The following ZNF471 variants were observed in gnomAD, a reference collection of about 807,000 sequenced individuals.
ZNF471 encodes the protein zinc finger protein 471.
In ZNF471, 7 loss-of-function variants were observed where a neutral mutation model predicts 13.7. The observed-to-expected ratio is 0.51, with a 90% confidence interval of 0.29 to 0.96. ZNF471 has a LOEUF of 0.96. Ranked by LOEUF, ZNF471 falls within the 40% of genes least tolerant of loss-of-function variation. The probability of loss-of-function intolerance (pLI) is 0.08; values close to 1 mark genes in which losing one functional copy is unlikely to be tolerated. For synonymous variants in ZNF471, 218 were observed against 235.6 expected (o/e 0.93, Z 0.68); for missense variants, 663 against 743.3 (o/e 0.89, Z 1.26).
Position 56,525,008 on chromosome 19 carries a change from G to C in ZNF471, c.941G>C (p.Gly314Ala). ...GCTCAGCATCAGAGAATTCATACTGGAGAGAAACCCTATGAATGTAAAGAA... is the reference window on the plus strand; with the variant it reads ...GCTCAGCATCAGAGAATTCATACTGCAGAGAAACCCTATGAATGTAAAGAA... ...HLAQHQRIHT[G>A]EKPYECKECG... Residue 314 changes from glycine (G) to alanine (A), a missense_variant, in exon 5 of 5, where the codon GGA (glycine) becomes GCA (alanine). Gly to Ala is a moderately conservative substitution (Grantham distance 60, BLOSUM62 0). Transcript: ENST00000308031. The C allele has an allele frequency of 6.2e-7, 1 of 1,614,062 alleles. No homozygotes were observed. The highest frequency in any genetic ancestry group is 8.5e-7 in the Non-Finnish European group (1 of 1,179,980).
intron 4 of ZNF471, among the ~76,000 whole-genome samples, chr19:56,519,735 G>T (rs2043943204): frequency 6.6e-6 from 1 of 152,146 alleles, no homozygotes; most frequent in African/African-American, 2.4e-5. Flanking sequence ...TCAAGGTTTT[G>T]CCTTCTGCAG....
intron 2 of ZNF471, among the ~76,000 whole-genome samples, chr19:56,515,545 C>T (rs2043873243): frequency 6.6e-6 from 1 of 152,102 alleles, no homozygotes; most frequent in South Asian, 2.1e-4. Context: ...AGACATGATA[C>T]AGAGATTACT....
At chr19:56,513,864 T>G (rs2043842130) in intron 2 of ZNF471, among the ~76,000 whole-genome samples, 1 of 151,980 alleles carries the variant, frequency 6.6e-6, no homozygotes, top group Non-Finnish European at 1.5e-5. Context: ...AAATTTTATT[T>G]TTTAGAATAG....
At chr19:56,515,237 A>G (rs2043866334) in intron 2 of ZNF471, among the ~76,000 whole-genome samples, 2 of 152,180 alleles carry the variant, frequency 1.3e-5, no homozygotes. Context: ...TCTGTCCTTA[A>G]TAGTCAGCAA....
Position 56,525,185 on chromosome 19 carries a change from A to C in ZNF471, c.1118A>C (p.Lys373Thr), listed in dbSNP as rs748875143. 22 of 1,614,084 alleles carry C rather than the reference A, an allele frequency of 1.4e-5. No individual in the cohort carries two copies. In the South Asian group the frequency reaches 2.3e-4, roughly 17 times the overall value. The change falls in exon 5 of 5, where the codon AAG (lysine) becomes ACG (threonine). Residue 373 changes from lysine (K) to threonine (T), a missense_variant. Physicochemically the swap from Lys to Thr is moderately conservative, Grantham distance 78. Transcript: ENST00000308031. ...TGGAGGAGTTATCATACTGGAGAGA[A>C]GCCTTTTAATTGCATTGATTGTGGG... Reference protein sequence around the residue: ...RHWRSYHTGEKPFNCIDCGKA... With the variant: ...RHWRSYHTGETPFNCIDCGKA...
intron 3 of ZNF471, among the ~76,000 whole-genome samples, chr19:56,517,736 C>T (rs1272379405): frequency 5.3e-5 from 8 of 152,320 alleles, no homozygotes; most frequent in Non-Finnish European, 1.0e-4. Context: ...CCACTGTGCC[C>T]AGCTCAGATT....
Position 56,508,266 on chromosome 19 carries a change from TCCA to T in ZNF471, c.-56+347_-56+349del. The T allele has an allele frequency of 1.9e-4, 147 of 791,760 alleles. No homozygotes were observed. Among genetic ancestry groups the T allele is most frequent in the Non-Finnish European group, 2.0e-4 (129 of 654,572 alleles). 49.0% of individuals were successfully genotyped at this position (791,760 alleles called of 1,614,324 possible). A position where few individuals can be genotyped will look rare whatever the true frequency, so the allele number is the denominator to read the frequency against. ...GTGTGTGTGTGTGACAGACCGAGAGTCCAGTGTGAGACCAGGGTATGTTCGTGT... is the reference window on the plus strand; with the variant it reads ...GTGTGTGTGTGTGACAGACCGAGAGTGTGTGAGACCAGGGTATGTTCGTGT... On this transcript the variant is annotated intron_variant, in intron 1 of 4. Transcript: ENST00000308031. The surrounding 1 kb of genome is among the most constrained non-coding windows in gnomAD (Gnocchi z 4.7).
Position 56,511,611 on chromosome 19 carries a change from G to A in ZNF471, c.33+7G>A, listed in dbSNP as rs760133736. On this transcript the variant is annotated splice_region_variant and intron_variant, in intron 2 of 4. Coordinates refer to ENST00000308031, the MANE Select transcript of ZNF471 (RefSeq NM_020813.4). ...AGTAAAAGTCATGCCCCAGGTTAGT[G>A]GATATTTTCTTTCTCTTCATGAAAG... 3.7e-6 allele frequency: 6 copies of A among 1,609,976 alleles called. No individual in the cohort carries two copies. The African/African-American group carries it at 8.0e-5, about 22-fold the overall frequency.
rs892770803 is a variant in ZNF471 at position 56,524,459 on chromosome 19, T to C, written c.392T>C (p.Phe131Ser). The C allele has an allele frequency of 6.2e-6, 10 of 1,613,704 alleles. No individual in the cohort carries two copies. The highest frequency in any genetic ancestry group is 6.8e-6 in the Non-Finnish European group (8 of 1,179,954). ...FEENWKWEDL[F>S]EKQMGSHEMF... ...GAAAATTGGAAATGGGAAGACCTTT[T>C]TGAGAAGCAGATGGGAAGTCATGAG... is the stretch of plus-strand genomic sequence containing the variant. Residue 131 changes from phenylalanine to serine, a missense_variant, in exon 5 of 5, where the codon TTT becomes TCT. By Grantham distance (155) the Phe-to-Ser change is radical. Coordinates refer to ENST00000308031, the MANE Select transcript of ZNF471 (RefSeq NM_020813.4). The surrounding 1 kb of genome is among the most constrained non-coding windows in gnomAD (Gnocchi z 4.8).
intron 2 of ZNF471, among the ~76,000 whole-genome samples, chr19:56,514,369 C>T (rs1294480731): frequency 6.6e-6 from 1 of 152,078 alleles, no homozygotes; most frequent in Non-Finnish European, 1.5e-5. Flanking sequence ...AGCCACTGCA[C>T]CCGGCCAGGC....
intron 4 of ZNF471, among the ~76,000 whole-genome samples, chr19:56,520,887 T>C (rs1425829375): frequency 6.6e-6 from 1 of 152,342 alleles, no homozygotes; most frequent in East Asian, 1.9e-4. Context: ...CTCAAGCTGC[T>C]AATAAAGACA....
At chr19:56,509,417 G>A (rs185831262) in intron 1 of ZNF471, among the ~76,000 whole-genome samples, 6 of 152,094 alleles carry the variant, frequency 3.9e-5, no homozygotes, top group African/African-American at 7.2e-5. Context: ...TACTACAAAC[G>A]TGTTTCCCTA....
At chr19:56,517,134 C>A (rs59595178) in intron 3 of ZNF471, among the ~76,000 whole-genome samples, 1 of 145,828 alleles carries the variant, frequency 6.9e-6, no homozygotes, top group Non-Finnish European at 1.5e-5. Context: ...TTTAATTTTT[C>A]TCTCGCTCTC....
At chr19:56,515,897 C>T (rs191553627) in intron 2 of ZNF471, among the ~76,000 whole-genome samples, 2 of 152,100 alleles carry the variant, frequency 1.3e-5, no homozygotes, top group Admixed American at 1.3e-4. Flanking sequence ...AAAAAAAAAT[C>T]AGCTACATTA....
At position 56,525,654 on chromosome 19, in the gene ZNF471, C is replaced by A; in HGVS notation, c.1587C>A (p.His529Gln). ...GAAATGCTTTCAAACAGAGATCACA[C>A]CTTGCCCAACATCAGAAAACTCATA... ...ECGNAFKQRS[H>Q]LAQHQKTHTG... Residue 529 changes from histidine to glutamine, a missense_variant, in exon 5 of 5, where the codon CAC becomes CAA. Coordinates refer to ENST00000308031, the MANE Select transcript of ZNF471 (RefSeq NM_020813.4). 1 of 1,614,028 alleles carries A rather than the reference C, an allele frequency of 6.2e-7. No homozygotes were observed.
Position 56,528,178 on chromosome 19 carries a change from C to T in ZNF471, c.*2230C>T, listed in dbSNP as rs937397257. 2.6e-5 allele frequency: 4 copies of T among 152,130 alleles called. No homozygotes were observed. The highest frequency in any genetic ancestry group is 5.9e-5 in the Non-Finnish European group (4 of 68,020). 9.4% of individuals were successfully genotyped at this position (152,130 alleles called of 1,614,324 possible). ...AAACTTCATCCTCTTTTGTCCCTTT[C>T]GAGTTAACATTACAGCCACAGTGAC... On this transcript the variant is annotated 3_prime_UTR_variant, in exon 5 of 5. Transcript: ENST00000308031.
At chr19:56,521,119 C>T (rs1287337001) in intron 4 of ZNF471, among the ~76,000 whole-genome samples, 2 of 152,176 alleles carry the variant, frequency 1.3e-5, no homozygotes, top group Non-Finnish European at 2.9e-5. Flanking sequence ...GGGGAAACTG[C>T]CCCCATGATT....
chr19:56,516,988 G>C lies in ZNF471; in HGVS notation c.160+587G>C, dbSNP rs112289334. 6.0e-3 allele frequency among the ~76,000 whole-genome samples: 909 copies of C among 152,182 alleles called. 4 individuals are homozygous for C. The highest frequency in any genetic ancestry group is 0.011 in the Admixed American group (161 of 15,288). On this transcript the variant is annotated intron_variant, in intron 3 of 4. Transcript: ENST00000308031. The surrounding 1 kb of genome is among the most constrained non-coding windows in gnomAD (Gnocchi z 4.4). ...TTAAACCAAATTTGGGAGATTTTTA[G>C]CCATTATTTCTTCAAATCTTTTTTT...
intron 4 of ZNF471, among the ~76,000 whole-genome samples, chr19:56,523,955 C>G (rs893061804): frequency 6.6e-6 from 1 of 152,122 alleles, no homozygotes; most frequent in African/African-American, 2.4e-5. Flanking sequence ...TCCTGAGTAA[C>G]TGGGAATATA....
Sources: allele counts gnomAD v4.1 joint callset (sites outside exome capture counted in the v4.1 genomes callset), GRCh38; gene constraint gnomAD v4.1.1; non-coding constraint Gnocchi (gnomAD v3.1); transcripts MANE v1.5; gene names NCBI Gene and HGNC (gene_info 2026-07-23, HGNC 2026-07-21).